Variants in CADM2 observed in about 807,000 individuals in gnomAD.
CADM2 encodes the protein immunoglobulin superfamily member 4D.
A neutral mutation model predicts 49.8 loss-of-function variants in CADM2; 12 were observed. The ratio of observed to expected loss-of-function variants is 0.24; its 90% CI spans 0.15 to 0.39. The LOEUF (loss-of-function observed/expected upper bound fraction) is 0.39, where lower values mean the gene tolerates loss of function less well. CADM2 is among the 10% of genes least tolerant of loss of function. CADM2 has a pLI of 1.00. For synonymous variants in CADM2, 214 were observed against 175.4 expected, an observed-to-expected ratio of 1.22 and a Z score of -1.74; for missense variants, 378 against 492.3, an observed-to-expected ratio of 0.77 and a Z score of 2.20.
At position 85,521,402 on chromosome 3, in the gene CADM2, C is replaced by T. The variant is rs556300980; in HGVS notation, c.62-205120C>T. On this transcript the variant is annotated intron_variant, in intron 1 of 9. Coordinates refer to ENST00000383699, the MANE Select transcript of CADM2 (RefSeq NM_001167675.2). ...TACACTCAGTGCTATCAGCTACTTACGGCTATACGCTTATCGATATCATTT... is the reference window on the plus strand; with the variant it reads ...TACACTCAGTGCTATCAGCTACTTATGGCTATACGCTTATCGATATCATTT... Among the ~76,000 whole-genome samples the T allele has an allele frequency of 1.5e-4, 23 of 152,196 alleles. No individual in the cohort carries two copies. The South Asian group carries it at 2.5e-3, about 16-fold the overall frequency.
chr3:85,800,638 T>A (rs1304000724), intron 2 of CADM2, among the ~76,000 whole-genome samples: 1 of 152,180 alleles, frequency 6.6e-6, no homozygotes. Flanking sequence ...CAGGACCTCA[T>A]GGCTTCTCTT....
chr3:86,012,428 C>A lies in CADM2; in HGVS notation c.970+50781C>A. 8 of 419,500 alleles carry A rather than the reference C, an allele frequency of 1.9e-5. No individual in the cohort carries two copies. In the South Asian group the frequency reaches 3.6e-4, roughly 19 times the overall value. 26.0% of individuals were successfully genotyped at this position (419,500 alleles called of 1,614,324 possible). A position where few individuals can be genotyped will look rare whatever the true frequency, so the allele number is the denominator to read the frequency against. On this transcript the variant is annotated intron_variant, in intron 8 of 9. Transcript: ENST00000383699. Reference sequence around the variant, plus strand: ...TTACAATAAAGTTGGGCTTCTCGCCCGCCCGCCCCTCGCCCGCGCGCCGGC... The same window carrying A: ...TTACAATAAAGTTGGGCTTCTCGCCAGCCCGCCCCTCGCCCGCGCGCCGGC...
At chr3:85,035,005 G>C (rs1187472942) in intron 1 of CADM2, among the ~76,000 whole-genome samples, 1 of 151,794 alleles carries the variant, frequency 6.6e-6, no homozygotes, top group African/African-American at 2.4e-5. Flanking sequence ...GTTTCATCAT[G>C]TTGGCCAGGC....
At chr3:85,313,170 G>C (rs2044387427) in intron 1 of CADM2, among the ~76,000 whole-genome samples, 1 of 152,186 alleles carries the variant, frequency 6.6e-6, no homozygotes, top group African/African-American at 2.4e-5. Context: ...TCTCAGGCAA[G>C]CGGCTATCAG....
chr3:86,065,679 G>C lies in CADM2; in HGVS notation c.1045G>C (p.Val349Leu). 4 of 1,614,020 alleles carry C rather than the reference G, an allele frequency of 2.5e-6. No individual in the cohort carries two copies. Among genetic ancestry groups the C allele is most frequent in the Non-Finnish European group, 3.4e-6 (4 of 1,179,956 alleles). Reference protein sequence around the residue: ...IGGIVAVVVFVTLCSIFLLGR... With the variant: ...IGGIVAVVVFLTLCSIFLLGR... ...AGGAATAGTGGCTGTAGTTGTATTTGTCACGCTGTGTTCTATCTTTCTGCT... is the reference window on the plus strand; with the variant it reads ...AGGAATAGTGGCTGTAGTTGTATTTCTCACGCTGTGTTCTATCTTTCTGCT... The change falls in exon 9 of 10, where the codon GTC becomes CTC. Residue 349 changes from valine to leucine, a missense_variant. Physicochemically the swap from Val to Leu is conservative, Grantham distance 32. Coordinates refer to ENST00000383699, the MANE Select transcript of CADM2 (RefSeq NM_001167675.2).
chr3:85,278,455 T>G lies in CADM2; in HGVS notation c.61+318787T>G, dbSNP rs188208593. On this transcript the variant is annotated intron_variant, in intron 1 of 9. Coordinates refer to ENST00000383699, the MANE Select transcript of CADM2 (RefSeq NM_001167675.2). Reference sequence around the variant, plus strand: ...TTTTCTTTAATATTTTAAAGCCTAATAGGACTCACTACTCATTTGACACAT... The same window carrying G: ...TTTTCTTTAATATTTTAAAGCCTAAGAGGACTCACTACTCATTTGACACAT... 1.8e-3 allele frequency among the ~76,000 whole-genome samples: 272 copies of G among 151,580 alleles called. 1 individual carries two copies. Among genetic ancestry groups the G allele is most frequent in the African/African-American group, 6.3e-3 (262 of 41,494 alleles).
intron 1 of CADM2, among the ~76,000 whole-genome samples, chr3:85,488,269 A>G (rs1576642561): frequency 1.3e-5 from 2 of 152,280 alleles, no homozygotes; most frequent in East Asian, 3.9e-4. Context: ...TTTTCCTCTA[A>G]TGTTAAAGTG....
intron 1 of CADM2, among the ~76,000 whole-genome samples, chr3:85,449,787 C>T (rs2037671394): frequency 6.6e-6 from 1 of 151,882 alleles, no homozygotes; most frequent in African/African-American, 2.4e-5. Flanking sequence ...TTTCTTATTC[C>T]ACAGATAACA....
At chr3:85,200,787 G>A (rs2041476713) in intron 1 of CADM2, among the ~76,000 whole-genome samples, 1 of 152,102 alleles carries the variant, frequency 6.6e-6, no homozygotes, top group Admixed American at 6.6e-5. Context: ...TGTCCAGATA[G>A]TGTAAAACAT....
intron 8 of CADM2, chr3:86,012,489 C>G: frequency 1.0e-6 from 1 of 1,002,486 alleles, no homozygotes; most frequent in South Asian, 2.0e-5. Context: ...TCCTCCGTGA[C>G]CCGGACCAGC....
In CADM2 at chr3:85,145,505, A is replaced by G. The variant is rs531885394; in HGVS notation, c.61+185837A>G. Among the ~76,000 whole-genome samples, 10 of 152,034 alleles carry G rather than the reference A, an allele frequency of 6.6e-5. No homozygotes were observed. In the South Asian group the frequency reaches 1.0e-3, roughly 16 times the overall value. On this transcript the variant is annotated intron_variant, in intron 1 of 9. Transcript: ENST00000383699. ...TGCAATTTTTTTTTTTTGGTGAAGAATAGGGGCATTTTAAAACACACTGGC... is the reference window on the plus strand; with the variant it reads ...TGCAATTTTTTTTTTTTGGTGAAGAGTAGGGGCATTTTAAAACACACTGGC...
At chr3:85,247,934 C>T (rs1006734853) in intron 1 of CADM2, among the ~76,000 whole-genome samples, 6 of 152,166 alleles carry the variant, frequency 3.9e-5, no homozygotes, top group Admixed American at 6.5e-5. Flanking sequence ...AATAATTTAT[C>T]ATTGGTTTTA....
rs1361313523 is a variant in CADM2, at chr3:84,997,444, A to G, written c.61+37776A>G. Among the ~76,000 whole-genome samples, 4 of 152,160 alleles carry G rather than the reference A, an allele frequency of 2.6e-5. No individual in the cohort carries two copies. In the East Asian group the frequency reaches 7.7e-4, roughly 29 times the overall value. ...TATGTTTCCTTTTGAAATTTATTTGAAAGCCAGGGTATTTAACAACATAGA... is the reference window on the plus strand; with the variant it reads ...TATGTTTCCTTTTGAAATTTATTTGGAAGCCAGGGTATTTAACAACATAGA... On this transcript the variant is annotated intron_variant, in intron 1 of 9. Transcript: ENST00000383699.
intron 1 of CADM2, among the ~76,000 whole-genome samples, chr3:85,066,089 A>G (rs1211431542): frequency 6.6e-6 from 1 of 152,100 alleles, no homozygotes; most frequent in Non-Finnish European, 1.5e-5. Context: ...ACAACAAACT[A>G]AAAGAAAAAA....
chr3:85,673,169 A>C (rs895842092), intron 1 of CADM2, among the ~76,000 whole-genome samples: 16 of 152,194 alleles, frequency 1.1e-4, no homozygotes, highest in African/African-American at 3.9e-4. Context: ...CCATTAACCA[A>C]AAAAGCCCTC....
intron 1 of CADM2, among the ~76,000 whole-genome samples, chr3:85,276,405 ATAACT>A (rs1262042188): frequency 1.3e-5 from 2 of 151,442 alleles, no homozygotes; most frequent in Non-Finnish European, 3.0e-5. Flanking sequence ...CATGGATTAA[ATAACT>A]TATATTACAT....
chr3:85,558,207 T>C (rs982255123), intron 1 of CADM2, among the ~76,000 whole-genome samples: 3 of 151,932 alleles, frequency 2.0e-5, no homozygotes, highest in African/African-American at 7.2e-5. Flanking sequence ...AATGTGATGC[T>C]CATTAGATAG....
At chr3:85,435,414 T>C (rs1188902169) in intron 1 of CADM2, among the ~76,000 whole-genome samples, 1 of 152,110 alleles carries the variant, frequency 6.6e-6, no homozygotes, top group Non-Finnish European at 1.5e-5. Flanking sequence ...ATCCAGTCTA[T>C]CATCGATGGG....
At chr3:85,572,326 C>T (rs574991788) in intron 1 of CADM2, among the ~76,000 whole-genome samples, 3 of 152,002 alleles carry the variant, frequency 2.0e-5, no homozygotes, top group Admixed American at 6.6e-5. Flanking sequence ...TGTGAATTTT[C>T]ATGTTACAAA....
Sources: allele counts gnomAD v4.1 joint callset (sites outside exome capture counted in the v4.1 genomes callset), GRCh38; gene constraint gnomAD v4.1.1; transcripts MANE v1.5; gene names NCBI Gene and HGNC (gene_info 2026-07-23, HGNC 2026-07-21).